MATR3: variants seen among roughly 807,000 people sequenced by gnomAD.
MATR3 encodes matrin-3.
In MATR3, 4 loss-of-function variants were observed where a neutral mutation model predicts 85.5. That is an observed-to-expected ratio of 0.05 (90% CI 0.02 to 0.11). The LOEUF (loss-of-function observed/expected upper bound fraction) is 0.11, where lower values mean the gene tolerates loss of function less well. Among genes scored for constraint, MATR3 ranks in the 10% least tolerant of loss-of-function variants. MATR3 has a pLI of 1.00. For synonymous variants in MATR3, 336 were observed against 343.1 expected (o/e 0.98, Z 0.23); for missense variants, 685 against 1,016.1 (o/e 0.67, Z 4.43).
In MATR3 at chr5:139,317,664, G is replaced by T; in HGVS notation, c.1251G>T (p.Gln417His). 2 of 1,611,390 alleles carry T rather than the reference G, an allele frequency of 1.2e-6. No homozygotes were observed. The highest frequency in any genetic ancestry group is 1.7e-6 in the Non-Finnish European group (2 of 1,179,414). ...AAAACTTGAGATACCAGCTATTACA[G>T]CTGGTAGAACCATTTGGAGTCATTT... ...RGKNLRYQLL[Q>H]LVEPFGVISN... Residue 417 changes from glutamine to histidine, a missense_variant, in exon 7 of 15, where the codon CAG (glutamine) becomes CAT (histidine). By Grantham distance (24) the Gln-to-His change is conservative. Around this residue, in one of 9 missense-constraint regions of MATR3, gnomAD observed 32 missense variants for 88.0 expected, o/e 0.36. Transcript: ENST00000394805.
chr5:139,288,947 C>CTAATTTT (rs1753791442), upstream of MATR3, among the ~76,000 whole-genome samples: 1 of 151,588 alleles, frequency 6.6e-6, no homozygotes, highest in South Asian at 2.1e-4. Context: ...CCACACCCAG[C>CTAATTTT]TAATTTTTGG....
At chr5:139,276,455 C>A in intron 2 of MATR3, 1 of 334,566 alleles carries the variant, frequency 3.0e-6, no homozygotes, top group South Asian at 2.4e-5. Context: ...AAAAAATTGC[C>A]AAAAATAACT....
intron 9 of MATR3, among the ~76,000 whole-genome samples, chr5:139,320,559 T>C (rs1282877624): frequency 1.3e-5 from 2 of 152,130 alleles, no homozygotes; most frequent in African/African-American, 4.8e-5. Context: ...GCTATGATTG[T>C]GCCACTGTAC....
chr5:139,301,726 A>G (rs577752056), intron 1 of MATR3, among the ~76,000 whole-genome samples: 1 of 152,238 alleles, frequency 6.6e-6, no homozygotes, highest in Non-Finnish European at 1.5e-5. Context: ...ATCATCAGGT[A>G]CACGGGGTAA....
In MATR3 at chr5:139,317,735, T is replaced by C. The variant is rs1321908880; in HGVS notation, c.1308+14T>C. The C allele has an allele frequency of 6.4e-7, 1 of 1,555,642 alleles. No homozygotes were observed. The highest frequency in any genetic ancestry group is 8.8e-7 in the Non-Finnish European group (1 of 1,135,234). On this transcript the variant is annotated intron_variant, in intron 7 of 14. Coordinates refer to ENST00000394805, the MANE Select transcript of MATR3 (RefSeq NM_018834.6). Reference sequence around the variant, plus strand: ...AAAATTAATGAGGTATGAATTGAAATATTGGTATTATTCATTTATTCATGC... The same window carrying C: ...AAAATTAATGAGGTATGAATTGAAACATTGGTATTATTCATTTATTCATGC...
chr5:139,317,755 T>C (rs1412015076), intron 7 of MATR3, 34 bp downstream of exon 7: 2 of 1,505,628 alleles, frequency 1.3e-6, no homozygotes, highest in South Asian at 2.3e-5. Flanking sequence ...ATTCATTTAT[T>C]CATGCCACTA....
At chr5:139,288,892 A>G (rs151329934), upstream of MATR3, among the ~76,000 whole-genome samples, 572 of 151,954 alleles carry the variant, frequency 3.8e-3, 4 homozygotes, top group Middle Eastern at 0.031. Context: ...ACCCGCCTCA[A>G]CCTCCCAAAG....
intron 6 of MATR3, 137 bp from the exon 7 acceptor site, chr5:139,317,459 A>G: frequency 1.1e-6 from 1 of 878,090 alleles, no homozygotes; most frequent in Non-Finnish European, 1.8e-6. Flanking sequence ...GTAGCTTTAA[A>G]ATTCTCTAGA....
upstream of MATR3, among the ~76,000 whole-genome samples, chr5:139,291,731 G>GTTTC (rs1160838652): frequency 6.6e-6 from 1 of 151,996 alleles, no homozygotes; most frequent in Non-Finnish European, 1.5e-5. Flanking sequence ...TAGAGACGGG[G>GTTTC]TTTCTCCATG....
rs757346695 is a variant in MATR3, at chr5:139,325,564, C to G, written c.2273C>G (p.Thr758Arg). ...AACGCTGATGATCCCAACAAAGATA[C>G]AAGTGAAAACGCAGATGGTCAAAGT... ...SENADDPNKD[T>R]SENADGQSDE... The change falls in exon 13 of 15, where the codon ACA becomes AGA. Residue 758 changes from threonine to arginine, a missense_variant. This residue lies in a region of MATR3 where 215 missense variants were observed against 194.7 expected (regional missense o/e 1.10). Coordinates refer to ENST00000394805, the MANE Select transcript of MATR3 (RefSeq NM_018834.6). The G allele has an allele frequency of 8.1e-6, 13 of 1,614,168 alleles. No individual in the cohort carries two copies. The highest frequency in any genetic ancestry group is 1.0e-5 in the Non-Finnish European group (12 of 1,180,022).
chr5:139,276,077 C>T (rs1347777593), intron 1 of MATR3: 10 of 456,648 alleles, frequency 2.2e-5, no homozygotes, highest in Admixed American at 4.7e-5. Flanking sequence ...GAGCTGCACA[C>T]GTGTTCACTG....
At chr5:139,319,816 C>T (rs1313824673) in intron 9 of MATR3, among the ~76,000 whole-genome samples, 5 of 145,142 alleles carry the variant, frequency 3.4e-5, no homozygotes, top group Non-Finnish European at 7.5e-5. Context: ...TGCACTCCAG[C>T]CTGGGCAGCA....
chr5:139,306,627 C>G (rs966243523), intron 1 of MATR3, among the ~76,000 whole-genome samples: 9 of 152,166 alleles, frequency 5.9e-5, no homozygotes, highest in African/African-American at 2.2e-4. Flanking sequence ...GGCAGCAATC[C>G]TTAAAACTAT....
At chr5:139,275,239 C>T (rs1252806456) in intron 1 of MATR3, among the ~76,000 whole-genome samples, 2 of 147,024 alleles carry the variant, frequency 1.4e-5, no homozygotes, top group African/African-American at 5.0e-5. Context: ...ACTCGTGATC[C>T]GCCAGCCTCA....
At chr5:139,293,200 C>T (rs911918216), upstream of MATR3, 19 of 152,160 alleles carry the variant, frequency 1.2e-4, no homozygotes, top group African/African-American at 4.3e-4. Flanking sequence ...TTCGAGGCTG[C>T]AATGAGCCAT....
At chr5:139,294,016 T>A (rs1753993295) in intron 1 of MATR3, 2 of 1,287,168 alleles carry the variant, frequency 1.6e-6, no homozygotes, top group Non-Finnish European at 2.0e-6. Flanking sequence ...ACCAGCCTTC[T>A]AGGGCGGCGG....
intron 2 of MATR3, chr5:139,278,244 T>G: frequency 2.3e-6 from 1 of 435,862 alleles, no homozygotes; most frequent in Non-Finnish European, 4.6e-6. Context: ...TATATATATA[T>G]ATATACACAC....
chr5:139,292,799 C>T (rs915450152), upstream of MATR3, among the ~76,000 whole-genome samples: 6 of 152,156 alleles, frequency 3.9e-5, no homozygotes, highest in African/African-American at 1.2e-4. Flanking sequence ...AGAAATTAGC[C>T]AGGCGTCGTG....
At position 139,316,205 on chromosome 5, in the gene MATR3, C is replaced by G; in HGVS notation, c.1129+17C>G. On this transcript the variant is annotated intron_variant, in intron 5 of 14. Transcript: ENST00000394805. The stretch of plus-strand genomic sequence containing the variant: ...GAAATCTGGGTAATTATATAAAATT[C>G]ATGTTACTTTTCCCTACAGAGCCGT... 1 of 1,569,230 alleles carries G rather than the reference C, an allele frequency of 6.4e-7. No individual in the cohort carries two copies. The highest frequency in any genetic ancestry group is 8.8e-7 in the Non-Finnish European group (1 of 1,139,692).
Sources: allele counts gnomAD v4.1 joint callset (sites outside exome capture counted in the v4.1 genomes callset), GRCh38; gene constraint gnomAD v4.1.1; regional missense constraint gnomAD v4.1.1; transcripts MANE v1.5; gene names NCBI Gene and HGNC (gene_info 2026-07-23, HGNC 2026-07-21).